The following DMD variants were observed in gnomAD, a reference collection of about 807,000 sequenced individuals.
DMD encodes mutant dystrophin.
DMD carries 63 observed loss-of-function variants against 330.1 expected under a neutral mutation model. The observed-to-expected ratio is 0.19, with a 90% CI of 0.16 to 0.24. The LOEUF is 0.24. DMD is among the 10% of genes least tolerant of loss of function. The pLI is 1.00. For synonymous variants in DMD, 1,223 were observed against 959.8 expected (o/e 1.27, Z -5.07); for missense variants, 3,344 against 2,684.1 (o/e 1.25, Z -5.43).
chrX:33,097,057 A>G (rs1005842544), intron 1 of DMD, among the ~76,000 whole-genome samples: 1 of 111,723 alleles, frequency 9.0e-6, no homozygotes, highest in Non-Finnish European at 1.9e-5. Context: ...TCTATGTGCT[A>G]TAAGGATCCT....
chrX:32,715,333 T>G (rs2065588372), intron 7 of DMD, among the ~76,000 whole-genome samples: 1 of 108,850 alleles, frequency 9.2e-6, no homozygotes, highest in South Asian at 4.0e-4. Context: ...AAAAATTAGT[T>G]TGGCTTGGTG....
intron 48 of DMD, among the ~76,000 whole-genome samples, chrX:31,853,693 A>G (rs1334813198): frequency 1.8e-5 from 2 of 111,447 alleles, no homozygotes; most frequent in Admixed American, 9.6e-5. Flanking sequence ...ATGTGTGAGC[A>G]GGCAACATTG....
intron 1 of DMD, among the ~76,000 whole-genome samples, chrX:33,031,171 G>A (rs888884835): frequency 1.8e-5 from 2 of 111,007 alleles, no homozygotes; most frequent in African/African-American, 6.6e-5. Flanking sequence ...GTTTCTTTGT[G>A]TTAAGGCTTT....
intron 7 of DMD, among the ~76,000 whole-genome samples, chrX:32,785,424 G>C (rs1472348845): frequency 9.0e-6 from 1 of 111,423 alleles, no homozygotes; most frequent in Non-Finnish European, 1.9e-5. Flanking sequence ...TCTGAGGAAA[G>C]ATTTCTTTCA....
chrX:31,706,637 G>C (rs1324703976), intron 52 of DMD, among the ~76,000 whole-genome samples: 1 of 111,278 alleles, frequency 9.0e-6, no homozygotes, highest in African/African-American at 3.3e-5. Context: ...CATGTAACTA[G>C]TGCCAATGGA....
intron 1 of DMD, among the ~76,000 whole-genome samples, chrX:33,285,490 TATAACTC>T (rs1265747454): frequency 3.6e-5 from 4 of 112,087 alleles, no homozygotes; most frequent in African/African-American, 1.3e-4. Context: ...GATCAAATAA[TATAACTC>T]AGAATTCTTT....
chrX:32,055,065 A>G (rs1404213852), intron 44 of DMD, among the ~76,000 whole-genome samples: 1 of 111,654 alleles, frequency 9.0e-6, no homozygotes, highest in Non-Finnish European at 1.9e-5. Context: ...CTACAACAAA[A>G]CAGCCCATCA....
chrX:31,208,009 T>G (rs1052536712), intron 65 of DMD, among the ~76,000 whole-genome samples: 2 of 111,536 alleles, frequency 1.8e-5, no homozygotes, highest in African/African-American at 6.5e-5. Context: ...AAAATTAAAG[T>G]TAAAAAGTGT....
chrX:32,920,631 T>C (rs1486145244), intron 2 of DMD, among the ~76,000 whole-genome samples: 1 of 111,924 alleles, frequency 8.9e-6, no homozygotes, highest in Admixed American at 9.5e-5. Context: ...CACCAGAAAT[T>C]AGATGTGTAT....
intron 39 of DMD, among the ~76,000 whole-genome samples, chrX:32,344,239 C>T (rs1006315971): frequency 9.0e-6 from 1 of 111,138 alleles, no homozygotes; most frequent in African/African-American, 3.3e-5. Context: ...TTAATTCGAG[C>T]GAAAAAATAA....
intron 43 of DMD, among the ~76,000 whole-genome samples, chrX:32,263,401 A>G (rs73460072): frequency 0.12 from 13,164 of 111,881 alleles, 1,872 homozygotes; most frequent in African/African-American, 0.4. Flanking sequence ...ATTGTTATCA[A>G]TCTTAATAAA....
At chrX:31,651,355 A>T (rs144362359) in intron 54 of DMD, among the ~76,000 whole-genome samples, 6 of 111,360 alleles carry the variant, frequency 5.4e-5, no homozygotes, top group East Asian at 2.9e-4. Flanking sequence ...CTTAATGTTA[A>T]CTGAAGCCAA....
Position 32,889,348 on chromosome X carries a change from C to G in DMD, c.94-39528G>C, listed in dbSNP as rs189545478. The stretch of plus-strand genomic sequence containing the variant: ...CAAGGGAACCACCATGTTTCTTGAC[C>G]GTACAGAGATATGAAAGGGCCTACA... On this transcript the variant is annotated intron_variant, in intron 2 of 78. Coordinates refer to ENST00000357033, the MANE Select transcript of DMD (RefSeq NM_004006.3). Among the ~76,000 whole-genome samples the G allele has an allele frequency of 4.9e-3, 546 of 110,658 alleles. 2 individuals carry two copies. Among genetic ancestry groups the G allele is most frequent in the African/African-American group, 0.017 (512 of 30,371 alleles).
At chrX:31,915,284 G>A (rs2094595812) in intron 47 of DMD, among the ~76,000 whole-genome samples, 1 of 111,996 alleles carries the variant, frequency 8.9e-6, no homozygotes, top group Non-Finnish European at 1.9e-5. Flanking sequence ...GGACCAGCAT[G>A]GAGATTTTGA....
chrX:32,775,815 C>T (rs1337953813), intron 7 of DMD, among the ~76,000 whole-genome samples: 1 of 112,986 alleles, frequency 8.9e-6, no homozygotes, highest in Admixed American at 9.3e-5. Context: ...TTTACTTATG[C>T]AAATTTCTGC....
intron 16 of DMD, among the ~76,000 whole-genome samples, chrX:32,556,280 G>T (rs961398714): frequency 1.8e-5 from 2 of 111,384 alleles, no homozygotes; most frequent in South Asian, 7.6e-4. Flanking sequence ...TCTCACGCCA[G>T]TCAGAATGGT....
chrX:32,483,742 G>C (rs1237284020), intron 21 of DMD, among the ~76,000 whole-genome samples: 1 of 99,387 alleles, frequency 1.0e-5, no homozygotes, highest in Non-Finnish European at 2.0e-5. Flanking sequence ...AAATCCACTA[G>C]AGGGAGCTGA....
At position 33,051,251 on chromosome X, in the gene DMD, G is replaced by A. The variant is rs1387994459; in HGVS notation, c.32-31051C>T. Among the ~76,000 whole-genome samples the A allele has an allele frequency of 1.0e-4, 9 of 89,770 alleles. No homozygotes were observed. In the East Asian group the frequency reaches 1.4e-3, roughly 14 times the overall value. 78.0% of individuals were successfully genotyped at this position (89,770 alleles called of 115,157 possible). On this transcript the variant is annotated intron_variant, in intron 1 of 78. Coordinates refer to ENST00000357033, the MANE Select transcript of DMD (RefSeq NM_004006.3). ...TTTTGAGACTGAATCTCCCTCTATC[G>A]CCCAGGCTGGAGTGCAGTGTTTCAA...
intron 17 of DMD, among the ~76,000 whole-genome samples, chrX:32,532,003 T>A (rs906118230): frequency 3.6e-5 from 4 of 111,208 alleles, no homozygotes; most frequent in Non-Finnish European, 7.5e-5. Flanking sequence ...TCCCTTAATT[T>A]CCTAAAATCC....
Sources: allele counts gnomAD v4.1 joint callset (sites outside exome capture counted in the v4.1 genomes callset), GRCh38; gene constraint gnomAD v4.1.1; transcripts MANE v1.5; gene names NCBI Gene and HGNC (gene_info 2026-07-23, HGNC 2026-07-21).